Variants in GRIK1 observed in about 807,000 individuals in gnomAD.
GRIK1 encodes the protein glutamate receptor ionotropic, kainate 1.
In GRIK1, 69 loss-of-function variants were observed where a neutral mutation model predicts 105.7. That is an observed-to-expected ratio of 0.65 (90% confidence interval 0.54 to 0.80). The LOEUF is 0.80. Among genes scored for constraint, GRIK1 ranks in the 30% least tolerant of loss-of-function variants. The pLI is 0.00. For synonymous variants in GRIK1, 438 were observed against 431.3 expected, an observed-to-expected ratio of 1.02 and a Z score of -0.19; for missense variants, 1,109 against 1,167.3, an observed-to-expected ratio of 0.95 and a Z score of 0.73.
intron 8 of GRIK1, 48 bp from the exon 9 acceptor site, chr21:29,596,618 A>C: frequency 7.5e-7 from 1 of 1,339,084 alleles, no homozygotes. Flanking sequence ...CTTAATTAAA[A>C]TGGAGCGTGA....
chr21:29,798,871 T>A (rs1482287258), intron 1 of GRIK1, among the ~76,000 whole-genome samples: 1 of 152,196 alleles, frequency 6.6e-6, no homozygotes, highest in Non-Finnish European at 1.5e-5. Context: ...CTGGCTTGCT[T>A]TACTTGGTGG....
intron 7 of GRIK1, among the ~76,000 whole-genome samples, chr21:29,639,151 A>G (rs1455051705): frequency 2.6e-5 from 4 of 152,222 alleles, no homozygotes; most frequent in Non-Finnish European, 5.9e-5. Flanking sequence ...TATGATTTTT[A>G]TGAACACAGT....
intron 16 of GRIK1, 56 bp downstream of exon 16, chr21:29,554,996 C>G (rs773694974): frequency 1.8e-5 from 26 of 1,460,036 alleles, no homozygotes; most frequent in Non-Finnish European, 2.4e-5. Context: ...AACCCCCAAA[C>G]TTAAGACAGA....
chr21:29,731,613 C>T (rs564165629), intron 1 of GRIK1, among the ~76,000 whole-genome samples: 197 of 152,234 alleles, frequency 1.3e-3, no homozygotes, highest in African/African-American at 4.5e-3. Context: ...ATTTTTAAAT[C>T]GGAAATGTGT....
At chr21:29,753,513 C>G (rs1309660528) in intron 1 of GRIK1, among the ~76,000 whole-genome samples, 1 of 152,154 alleles carries the variant, frequency 6.6e-6, no homozygotes, top group East Asian at 1.9e-4. Flanking sequence ...AGCCCTCTGG[C>G]ATAGATGGGC....
intron 1 of GRIK1, among the ~76,000 whole-genome samples, chr21:29,737,794 T>C (rs2064829825): frequency 6.6e-6 from 1 of 152,230 alleles, no homozygotes; most frequent in Non-Finnish European, 1.5e-5. Flanking sequence ...AAAATTACTT[T>C]AGCATTGATG....
At chr21:29,591,539 A>G (rs536696017) in intron 9 of GRIK1, among the ~76,000 whole-genome samples, 1 of 152,284 alleles carries the variant, frequency 6.6e-6, no homozygotes, top group East Asian at 1.9e-4. Context: ...TTCTTCCTAT[A>G]TATATATTTG....
chr21:29,809,255 C>A (rs1251051426), intron 1 of GRIK1, among the ~76,000 whole-genome samples: 4 of 152,150 alleles, frequency 2.6e-5, no homozygotes, highest in African/African-American at 7.2e-5. Context: ...TCGGTTCAGA[C>A]CACTGCAATA....
intron 1 of GRIK1, chr21:29,861,621 T>A: frequency 2.3e-6 from 1 of 432,898 alleles, no homozygotes; most frequent in Non-Finnish European, 4.6e-6. Flanking sequence ...TTACTCTTAA[T>A]CAAACTCATT....
intron 16 of GRIK1, among the ~76,000 whole-genome samples, chr21:29,552,197 A>G (rs2090146430): frequency 6.6e-6 from 1 of 152,116 alleles, no homozygotes; most frequent in African/African-American, 2.4e-5. Flanking sequence ...CAGATGGCAT[A>G]TCTCTACTTC....
rs147173120 is a variant in GRIK1 at position 29,626,961 on chromosome 21, C to G, written c.1098+15865G>C. 3.5e-3 allele frequency among the ~76,000 whole-genome samples: 528 copies of G among 152,200 alleles called. 1 individual carries two copies. Among genetic ancestry groups the G allele is most frequent in the Non-Finnish European group, 4.6e-3 (312 of 68,024 alleles). On this transcript the variant is annotated intron_variant, in intron 7 of 17. Coordinates refer to ENST00000327783, the MANE Select transcript of GRIK1 (RefSeq NM_001330994.2). ...AGGAGTTTTGCAGTTGTAAGAGGGCCTATTCCAACACTTACTACACAAATT... is the reference window on the plus strand; with the variant it reads ...AGGAGTTTTGCAGTTGTAAGAGGGCGTATTCCAACACTTACTACACAAATT...
At chr21:29,932,243 C>G (rs1395777052) in intron 1 of GRIK1, among the ~76,000 whole-genome samples, 1 of 152,072 alleles carries the variant, frequency 6.6e-6, no homozygotes, top group African/African-American at 2.4e-5. Flanking sequence ...TTTTTAAAAG[C>G]TAAAAGAAAA....
At chr21:29,591,326 G>C (rs2061331358) in intron 9 of GRIK1, 101 bp from the exon 10 acceptor site, 2 of 773,834 alleles carry the variant, frequency 2.6e-6, no homozygotes, top group Non-Finnish European at 4.7e-6. Flanking sequence ...AAAGCTCACA[G>C]TTTGGGACAC....
At chr21:29,865,311 T>A (rs1466956288) in intron 1 of GRIK1, among the ~76,000 whole-genome samples, 1 of 151,110 alleles carries the variant, frequency 6.6e-6, no homozygotes, top group Non-Finnish European at 1.5e-5. Context: ...CACATCCCAC[T>A]CCAAATAAAA....
At chr21:29,657,670 C>T (rs1601389539) in intron 4 of GRIK1, 1 of 152,288 alleles carries the variant, frequency 6.6e-6, no homozygotes, top group East Asian at 1.9e-4. Context: ...TGGACACTCA[C>T]CCAGGTGAAT....
intron 4 of GRIK1, among the ~76,000 whole-genome samples, chr21:29,658,035 A>C (rs2066107579): frequency 6.6e-6 from 1 of 152,194 alleles, no homozygotes; most frequent in Admixed American, 6.5e-5. Context: ...GAACTGACCA[A>C]ATGGTGCTGA....
chr21:29,608,710 T>C (rs1487401839), intron 7 of GRIK1, among the ~76,000 whole-genome samples: 2 of 152,180 alleles, frequency 1.3e-5, no homozygotes, highest in Non-Finnish European at 2.9e-5. Context: ...TGCTATAAAC[T>C]ACAGTCTGGA....
chr21:29,588,135 T>A, intron 11 of GRIK1, among the ~76,000 whole-genome samples: 1 of 151,656 alleles, frequency 6.6e-6, no homozygotes, highest in East Asian at 1.9e-4. Flanking sequence ...CCACCACGCC[T>A]GGCTAATTTT....
At chr21:29,612,070 T>C (rs2061741706) in intron 7 of GRIK1, among the ~76,000 whole-genome samples, 1 of 152,204 alleles carries the variant, frequency 6.6e-6, no homozygotes, top group South Asian at 2.1e-4. Flanking sequence ...GAATGGGCTG[T>C]CTGCAGGAGT....
Sources: gnomAD v4.1 joint callset for allele counts (sites outside exome capture counted in the v4.1 genomes callset) on GRCh38, gnomAD v4.1.1 for gene constraint, MANE v1.5 for transcripts, NCBI Gene and HGNC (gene_info 2026-07-23, HGNC 2026-07-21) for gene names.